The following SOX5 variants were observed in gnomAD, a reference collection of about 807,000 sequenced individuals.
The protein encoded by SOX5 is SRY-box transcription factor 5.
SOX5 carries 9 observed loss-of-function variants against 92.0 expected under a neutral mutation model. The ratio of observed to expected loss-of-function variants is 0.10; its 90% confidence interval spans 0.06 to 0.17. SOX5 has a LOEUF of 0.17. Ranked by LOEUF, SOX5 falls within the 10% of genes least tolerant of loss-of-function variation. The pLI is 1.00. For missense variants in SOX5, 642 were observed against 944.5 expected, an observed-to-expected ratio of 0.68 and a Z score of 4.20; for synonymous variants, 344 against 336.3, an observed-to-expected ratio of 1.02 and a Z score of -0.25.
intron 4 of SOX5, among the ~76,000 whole-genome samples, chr12:24,139,698 C>G (rs1055522510): frequency 3.3e-5 from 5 of 152,164 alleles, no homozygotes; most frequent in Non-Finnish European, 7.3e-5. Flanking sequence ...GACATTTGCT[C>G]TCCATATTCC....
At chr12:23,893,837 T>C (rs942836266) in intron 2 of SOX5, among the ~76,000 whole-genome samples, 4 of 152,180 alleles carry the variant, frequency 2.6e-5, no homozygotes, top group Non-Finnish European at 5.9e-5. Flanking sequence ...AAGAGGAAGA[T>C]AAAAAGTTTC....
At chr12:23,662,652 T>C (rs1384354951) in intron 7 of SOX5, among the ~76,000 whole-genome samples, 1 of 152,192 alleles carries the variant, frequency 6.6e-6, no homozygotes, top group Non-Finnish European at 1.5e-5. Context: ...AAACAGGAGA[T>C]GTTAACTCAA....
intron 1 of SOX5, among the ~76,000 whole-genome samples, chr12:24,376,690 CTTTTTTTTTTTTTTTTTTTTTTTT>C (rs1164391418): frequency 5.7e-5 from 4 of 70,616 alleles, no homozygotes; most frequent in South Asian, 1.2e-3. Flanking sequence ...GGAGAGATAC[CTTTTTTTTTTTTTTTTTTTTTTTT>C]TTTTTTTTTT....
At chr12:23,574,364 C>T (rs1864253106) in intron 10 of SOX5, among the ~76,000 whole-genome samples, 1 of 152,154 alleles carries the variant, frequency 6.6e-6, no homozygotes, top group Non-Finnish European at 1.5e-5. Context: ...AAATTCAACA[C>T]ATATTACATT....
At chr12:24,077,800 TA>T (rs1278506373) in intron 4 of SOX5, among the ~76,000 whole-genome samples, 20 of 143,286 alleles carry the variant, frequency 1.4e-4, no homozygotes, top group Non-Finnish European at 3.0e-4. Context: ...TATATATATA[TA>T]TATATGCAGC....
intron 6 of SOX5, among the ~76,000 whole-genome samples, chr12:23,710,108 C>G (rs1014684457): frequency 2.0e-5 from 3 of 152,102 alleles, no homozygotes; most frequent in Admixed American, 6.6e-5. Flanking sequence ...AGGTTACATA[C>G]AGACACACAC....
chr12:23,717,007 G>A (rs1423736000), intron 6 of SOX5, among the ~76,000 whole-genome samples: 1 of 152,110 alleles, frequency 6.6e-6, no homozygotes, highest in African/African-American at 2.4e-5. Flanking sequence ...TGCCCTTTTT[G>A]TGGCCTTTTA....
chr12:23,557,560 A>C (rs1489393990), intron 11 of SOX5, among the ~76,000 whole-genome samples: 1 of 152,250 alleles, frequency 6.6e-6, no homozygotes, highest in Non-Finnish European at 1.5e-5. Flanking sequence ...AGTTGGTCTT[A>C]ACATGTATAC....
At chr12:24,245,455 C>A (rs779446994) in intron 3 of SOX5, among the ~76,000 whole-genome samples, 2 of 152,140 alleles carry the variant, frequency 1.3e-5, no homozygotes, top group Non-Finnish European at 2.9e-5. Flanking sequence ...AACTGGACAA[C>A]CTGACTTCCC....
At chr12:24,259,984 G>C (rs1389708614) in intron 3 of SOX5, among the ~76,000 whole-genome samples, 1 of 152,032 alleles carries the variant, frequency 6.6e-6, no homozygotes, top group Non-Finnish European at 1.5e-5. Context: ...GTGGTAATAA[G>C]AGTAAAGAAA....
At position 23,577,957 on chromosome 12, in the gene SOX5, TA is replaced by T. The variant is rs569363946; in HGVS notation, c.1165-2120del. Reference sequence around the variant, plus strand: ...CAACACGGTGAAACTTTGTTTCTACTAAAAATACAAAAAATTAGCTGAGCAT... The same window carrying T: ...CAACACGGTGAAACTTTGTTTCTACTAAAATACAAAAAATTAGCTGAGCAT... On this transcript the variant is annotated intron_variant, in intron 9 of 14. Transcript: ENST00000451604. Among the ~76,000 whole-genome samples the T allele has an allele frequency of 1.0e-3, 157 of 150,958 alleles. 1 individual carries two copies. The highest frequency in any genetic ancestry group is 0.01 in the Middle Eastern group (3 of 292).
intron 4 of SOX5, among the ~76,000 whole-genome samples, chr12:24,006,927 A>G (rs150739569): frequency 0.015 from 2,219 of 151,650 alleles, 72 homozygotes; most frequent in African/African-American, 0.051. Context: ...TGAGGTCAGG[A>G]ATTCGAGACC....
chr12:24,012,166 T>C (rs1034474884), intron 4 of SOX5, among the ~76,000 whole-genome samples: 7 of 152,130 alleles, frequency 4.6e-5, no homozygotes, highest in African/African-American at 1.7e-4. Flanking sequence ...AGAATCTTAA[T>C]TTGCAAATGG....
chr12:23,839,977 T>G (rs538733760), intron 3 of SOX5, among the ~76,000 whole-genome samples: 1 of 121,316 alleles, frequency 8.2e-6, no homozygotes, highest in Non-Finnish European at 1.7e-5. Context: ...AACTCCTAGC[T>G]AACTCAAGAA....
chr12:24,206,159 A>G (rs1430939676), intron 4 of SOX5, among the ~76,000 whole-genome samples: 1 of 152,232 alleles, frequency 6.6e-6, no homozygotes, highest in Non-Finnish European at 1.5e-5. Flanking sequence ...TTATTTAGAT[A>G]AGAGCCAAAA....
intron 6 of SOX5, among the ~76,000 whole-genome samples, chr12:23,706,421 G>T (rs1219909996): frequency 1.3e-5 from 2 of 152,014 alleles, no homozygotes; most frequent in Non-Finnish European, 2.9e-5. Flanking sequence ...ACAGGATTGG[G>T]TAGCATAAAC....
intron 4 of SOX5, among the ~76,000 whole-genome samples, chr12:24,031,085 C>A (rs1955452557): frequency 6.6e-6 from 1 of 151,756 alleles, no homozygotes; most frequent in Non-Finnish European, 1.5e-5. Context: ...CCCTTGCATA[C>A]TGTTGGTGGG....
At chr12:23,937,918 C>T (rs1311981750) in intron 1 of SOX5, among the ~76,000 whole-genome samples, 3 of 150,656 alleles carry the variant, frequency 2.0e-5, no homozygotes, top group Non-Finnish European at 3.0e-5. Context: ...CCTATAGTCA[C>T]AAACTTAAGT....
At chr12:24,208,666 C>T (rs563632109) in intron 4 of SOX5, among the ~76,000 whole-genome samples, 31 of 152,286 alleles carry the variant, frequency 2.0e-4, no homozygotes, top group Non-Finnish European at 3.7e-4. Flanking sequence ...GATTTCACAT[C>T]GTATTCATTT....
Sources: gnomAD v4.1 joint callset for allele counts (sites outside exome capture counted in the v4.1 genomes callset) on GRCh38, gnomAD v4.1.1 for gene constraint, MANE v1.5 for transcripts, NCBI Gene and HGNC (gene_info 2026-07-23, HGNC 2026-07-21) for gene names.